The following KIRREL3 variants were observed in gnomAD, a reference collection of about 807,000 sequenced individuals.
The protein encoded by KIRREL3 is kin of IRRE-like protein 3.
KIRREL3 carries 36 observed loss-of-function variants against 89.7 expected under a neutral mutation model. The observed-to-expected ratio is 0.40, with a 90% CI of 0.31 to 0.53. The LOEUF (loss-of-function observed/expected upper bound fraction) is 0.53, where lower values mean the gene tolerates loss of function less well. KIRREL3 is among the 20% of genes least tolerant of loss of function. The pLI, the probability that KIRREL3 is intolerant of heterozygous loss-of-function variation, is 0.49. For synonymous variants in KIRREL3, 445 were observed against 441.4 expected, an observed-to-expected ratio of 1.01 and a Z score of -0.10; for missense variants, 864 against 1,056.6, an observed-to-expected ratio of 0.82 and a Z score of 2.53.
In KIRREL3 at chr11:126,498,847, C is replaced by T. The variant is rs568528390; in HGVS notation, c.433+22468G>A. Among the ~76,000 whole-genome samples the T allele has an allele frequency of 9.8e-5, 15 of 152,298 alleles. No individual in the cohort carries two copies. Among genetic ancestry groups the T allele is most frequent in the South Asian group, 6.2e-4 (3 of 4,814 alleles). On this transcript the variant is annotated intron_variant, in intron 4 of 16. Transcript: ENST00000525144. This position sits in a 1 kb window ranked among gnomAD's most constrained non-coding sequence, Gnocchi z 4.3. ...GTTCTTCACAGGCTCAGGACCTCGA[C>T]GCACGGAAACTTCTGGATCATTAAA...
intron 1 of KIRREL3, among the ~76,000 whole-genome samples, chr11:126,848,214 A>C (rs1365661895): frequency 6.6e-6 from 1 of 152,254 alleles, no homozygotes; most frequent in Admixed American, 6.5e-5. Context: ...ATCTGAGATT[A>C]CTTATGGAAC....
rs776310813 is a variant in KIRREL3, at chr11:126,668,741, C to CTT, written c.56-105831_56-105830dup. On this transcript the variant is annotated intron_variant, in intron 1 of 16. Coordinates refer to ENST00000525144, the MANE Select transcript of KIRREL3 (RefSeq NM_032531.4). The surrounding 1 kb of genome is among the most constrained non-coding windows in gnomAD (Gnocchi z 4.4). ...TCTTTCTTTCTTTCTTTCTTTCTTT[C>CTT]TTTCTTTCTTTCTTTTTTCTCTTTC... Among the ~76,000 whole-genome samples the CTT allele has an allele frequency of 0.043, 5,633 of 130,910 alleles. 165 individuals are homozygous for CTT. The highest frequency in any genetic ancestry group is 0.055 in the Non-Finnish European group (3,289 of 59,802). 85.9% of individuals were successfully genotyped at this position (130,910 alleles called of 152,430 possible).
rs191307518 is a variant in KIRREL3, at chr11:126,574,042, C to T, written c.56-11130G>A. Among the ~76,000 whole-genome samples, 23 of 152,286 alleles carry T rather than the reference C, an allele frequency of 1.5e-4. 1 individual carries two copies. In the East Asian group the frequency reaches 3.3e-3, roughly 22 times the overall value. The stretch of plus-strand genomic sequence containing the variant: ...AGCTCCATGGAAGCCCCTTACAGGC[C>T]CCAGACAAGGGGCTTCATTCTGAGG... On this transcript the variant is annotated intron_variant, in intron 1 of 16. Coordinates refer to ENST00000525144, the MANE Select transcript of KIRREL3 (RefSeq NM_032531.4). This position sits in a 1 kb window ranked among gnomAD's most constrained non-coding sequence, Gnocchi z 5.3.
At chr11:126,831,003 G>A (rs1592191636) in intron 1 of KIRREL3, among the ~76,000 whole-genome samples, 1 of 152,206 alleles carries the variant, frequency 6.6e-6, no homozygotes, top group South Asian at 2.1e-4. Context: ...CAGCATAGCA[G>A]TTAGGAGCAT....
intron 1 of KIRREL3, among the ~76,000 whole-genome samples, chr11:126,887,296 C>T (rs1194340627): frequency 6.6e-6 from 1 of 152,162 alleles, no homozygotes; most frequent in African/African-American, 2.4e-5. Flanking sequence ...AGCATGCATT[C>T]ATCACTTTAA....
At chr11:126,646,123 C>A (rs992531050) in intron 1 of KIRREL3, among the ~76,000 whole-genome samples, 12 of 152,120 alleles carry the variant, frequency 7.9e-5, no homozygotes, top group African/African-American at 1.7e-4. Context: ...CCCCACCCCC[C>A]AAACAGGTCA....
Position 126,687,735 on chromosome 11 carries a change from A to AG in KIRREL3, c.56-124824dup, listed in dbSNP as rs1946719700. On this transcript the variant is annotated intron_variant, in intron 1 of 16. Transcript: ENST00000525144. The surrounding 1 kb of genome is among the most constrained non-coding windows in gnomAD (Gnocchi z 4.6). The stretch of plus-strand genomic sequence containing the variant: ...TGGGGATACAAAGATAAGTGCTCTG[A>AG]GGCCCCTATTCTCAGAGTGCTCAGT... Among the ~76,000 whole-genome samples, 1 of 152,206 alleles carries AG rather than the reference A, an allele frequency of 6.6e-6. No homozygotes were observed. The highest frequency in any genetic ancestry group is 1.5e-5 in the Non-Finnish European group (1 of 68,038).
In KIRREL3 at chr11:126,574,980, A is replaced by G. The variant is rs942110661; in HGVS notation, c.56-12068T>C. On this transcript the variant is annotated intron_variant, in intron 1 of 16. Coordinates refer to ENST00000525144, the MANE Select transcript of KIRREL3 (RefSeq NM_032531.4). The surrounding 1 kb of genome is among the most constrained non-coding windows in gnomAD (Gnocchi z 5.3). ...GGGGATCAGTGTGTCTCTGGGACCT[A>G]TTTACCCCTATGAACCACTGGGGTT... 3.3e-5 allele frequency among the ~76,000 whole-genome samples: 5 copies of G among 152,086 alleles called. No homozygotes were observed. Among genetic ancestry groups the G allele is most frequent in the African/African-American group, 7.2e-5 (3 of 41,404 alleles).
At chr11:126,932,220 G>A (rs1947976194) in intron 1 of KIRREL3, among the ~76,000 whole-genome samples, 1 of 152,212 alleles carries the variant, frequency 6.6e-6, no homozygotes, top group South Asian at 2.1e-4. Flanking sequence ...CGTGAAAGGA[G>A]CAGTGTGGCT....
chr11:126,483,955 C>T (rs1292243959), intron 4 of KIRREL3, among the ~76,000 whole-genome samples: 1 of 152,242 alleles, frequency 6.6e-6, no homozygotes, highest in African/African-American at 2.4e-5. Context: ...CCACCTGCAG[C>T]CTCTGCACTG....
rs1274102876 is a variant in KIRREL3 at position 126,709,365 on chromosome 11, C to A, written c.56-146453G>T. On this transcript the variant is annotated intron_variant, in intron 1 of 16. Coordinates refer to ENST00000525144, the MANE Select transcript of KIRREL3 (RefSeq NM_032531.4). This position sits in a 1 kb window ranked among gnomAD's most constrained non-coding sequence, Gnocchi z 4.0. Reference sequence around the variant, plus strand: ...GGGAGTAGGGGTGGAGGGGCAGCACCCCCGGGCAGAAGATGCAGCCAAACA... The same window carrying A: ...GGGAGTAGGGGTGGAGGGGCAGCACACCCGGGCAGAAGATGCAGCCAAACA... 6.6e-6 allele frequency among the ~76,000 whole-genome samples: 1 copy of A among 152,050 alleles called. No homozygotes were observed. The highest frequency in any genetic ancestry group is 1.9e-4 in the East Asian group (1 of 5,190).
chr11:126,437,119 C>T, intron 11 of KIRREL3, 110 bp from the exon 12 acceptor site: 1 of 1,001,842 alleles, frequency 1.0e-6, no homozygotes, highest in Non-Finnish European at 1.4e-6. Context: ...CACTGCCACA[C>T]ACTAACACAT....
intron 1 of KIRREL3, among the ~76,000 whole-genome samples, chr11:126,713,811 C>A (rs1241615931): frequency 2.6e-5 from 4 of 151,906 alleles, no homozygotes; most frequent in African/African-American, 9.7e-5. Context: ...GGCTGACGGG[C>A]GAGGAGGAAA....
rs918448884 is a variant in KIRREL3 at position 126,579,256 on chromosome 11, A to C, written c.56-16344T>G. On this transcript the variant is annotated intron_variant, in intron 1 of 16. Coordinates refer to ENST00000525144, the MANE Select transcript of KIRREL3 (RefSeq NM_032531.4). The surrounding 1 kb of genome is among the most constrained non-coding windows in gnomAD (Gnocchi z 5.3). ...GGATTTATCATGTGGGAGGGTAGTT[A>C]GTTCCCAAACGCAGGTGAGTATAAA... is the stretch of plus-strand genomic sequence containing the variant. 3.3e-5 allele frequency among the ~76,000 whole-genome samples: 5 copies of C among 152,134 alleles called. No individual in the cohort carries two copies. The highest frequency in any genetic ancestry group is 1.2e-4 in the African/African-American group (5 of 41,436).
At chr11:126,500,542 C>A (rs547650058) in intron 4 of KIRREL3, among the ~76,000 whole-genome samples, 1 of 152,226 alleles carries the variant, frequency 6.6e-6, no homozygotes, top group East Asian at 1.9e-4. Context: ...GAATTCGAGA[C>A]CAGCCTGACC....
intron 1 of KIRREL3, among the ~76,000 whole-genome samples, chr11:126,960,021 C>A (rs1949039697): frequency 6.6e-6 from 1 of 152,148 alleles, no homozygotes; most frequent in East Asian, 1.9e-4. Flanking sequence ...CAGTTCTCAG[C>A]AATGTACTTA....
chr11:126,821,329 G>GTGTA (rs562155382), intron 1 of KIRREL3, among the ~76,000 whole-genome samples: 5 of 103,490 alleles, frequency 4.8e-5, no homozygotes, highest in Admixed American at 4.7e-4. Flanking sequence ...GATAAACACA[G>GTGTA]TATATATATA....
chr11:126,904,742 A>C lies in KIRREL3; in HGVS notation c.55+95713T>G, dbSNP rs1946506884. ...GAAGTATGCATAATGTACATATTTA[A>C]TCTTGTCTCGTCTATTTTTATCCTA... is the stretch of plus-strand genomic sequence containing the variant. On this transcript the variant is annotated intron_variant, in intron 1 of 16. Transcript: ENST00000525144. This position sits in a 1 kb window ranked among gnomAD's most constrained non-coding sequence, Gnocchi z 4.4. Among the ~76,000 whole-genome samples the C allele has an allele frequency of 1.3e-5, 2 of 152,126 alleles. No individual in the cohort carries two copies. The highest frequency in any genetic ancestry group is 4.8e-5 in the African/African-American group (2 of 41,422).
chr11:126,813,584 G>A (rs1192092007), intron 1 of KIRREL3, among the ~76,000 whole-genome samples: 1 of 152,148 alleles, frequency 6.6e-6, no homozygotes, highest in Non-Finnish European at 1.5e-5. Flanking sequence ...TTTATTTAGA[G>A]CTTGATATCT....
Sources: gnomAD v4.1 joint callset for allele counts (sites outside exome capture counted in the v4.1 genomes callset) on GRCh38, gnomAD v4.1.1 for gene constraint, Gnocchi (gnomAD v3.1) non-coding constraint, MANE v1.5 for transcripts, NCBI Gene and HGNC (gene_info 2026-07-23, HGNC 2026-07-21) for gene names.